PDE4D: variants seen among roughly 807,000 people sequenced by gnomAD.
PDE4D encodes the protein phosphodiesterase 4D, also known as 3',5'-cyclic-AMP phosphodiesterase 4D.
PDE4D carries 24 observed loss-of-function variants against 87.4 expected under a neutral mutation model. That is an observed-to-expected ratio of 0.27 (90% CI 0.20 to 0.39). The LOEUF is 0.39. PDE4D is among the 10% of genes least tolerant of loss of function. The pLI is 1.00. For synonymous variants in PDE4D, 384 were observed against 383.2 expected, an observed-to-expected ratio of 1.00 and a Z score of -0.02; for missense variants, 714 against 1,041.0, an observed-to-expected ratio of 0.69 and a Z score of 4.32.
rs201383555 is a variant in PDE4D, at chr5:59,234,767, TG to T, written c.456-18800del. Among the ~76,000 whole-genome samples the T allele has an allele frequency of 2.0e-5, 3 of 152,164 alleles. No homozygotes were observed. In the East Asian group the frequency reaches 5.8e-4, roughly 29 times the overall value. On this transcript the variant is annotated intron_variant, in intron 1 of 14. Transcript: ENST00000340635. ...AGGATAGATGTCAGTTTTTTAAACT[TG>T]GGGGAAAAAAGAACCCAAACATGAT...
Position 59,668,904 on chromosome 5 carries a change from AAGAAGAAGAAGAAG to A in PDE4D, c.455+224250_455+224263del, listed in dbSNP as rs1290379626. Reference sequence around the variant, plus strand: ...GAAGAAGAAGAAGAAGAAGAAGAAGAAGAAGAAGAAGAAGAAGAAAGAAAGAAAGAATTAGTTCA... The same window carrying A: ...GAAGAAGAAGAAGAAGAAGAAGAAGAAAGAAAGAAAGAAAGAATTAGTTCA... On this transcript the variant is annotated intron_variant, in intron 1 of 14. Coordinates refer to ENST00000340635, the MANE Select transcript of PDE4D (RefSeq NM_001104631.2). Among the ~76,000 whole-genome samples the A allele has an allele frequency of 1.1e-3, 80 of 74,950 alleles. 1 individual carries two copies. The East Asian group carries it at 0.06, about 56-fold the overall frequency. 49.2% of individuals were successfully genotyped at this position (74,950 alleles called of 152,430 possible).
At chr5:59,090,310 T>C (rs1308983909) in intron 5 of PDE4D, among the ~76,000 whole-genome samples, 4 of 152,308 alleles carry the variant, frequency 2.6e-5, no homozygotes, top group African/African-American at 9.6e-5. Context: ...TTTTACACCA[T>C]GTCTAGTCCA....
intron 1 of PDE4D, among the ~76,000 whole-genome samples, chr5:59,550,208 T>C (rs1817882609): frequency 6.6e-6 from 1 of 152,120 alleles, no homozygotes; most frequent in South Asian, 2.1e-4. Flanking sequence ...AAATTATCCT[T>C]ATGCATCAGT....
At chr5:59,908,107 T>C (rs554722832) in intron 3 of PDE4D, among the ~76,000 whole-genome samples, 4 of 152,258 alleles carry the variant, frequency 2.6e-5, no homozygotes, top group South Asian at 2.1e-4. Flanking sequence ...TTTGCCTATT[T>C]TCTTCTGTTG....
chr5:59,088,946 GAAATAAAA>G (rs1301364520), intron 5 of PDE4D, among the ~76,000 whole-genome samples: 1 of 152,054 alleles, frequency 6.6e-6, no homozygotes, highest in African/African-American at 2.4e-5. Flanking sequence ...AAGTTAAAAA[GAAATAAAA>G]AATAAACAGA....
At chr5:60,314,462 C>T (rs112728299) in intron 1 of PDE4D, among the ~76,000 whole-genome samples, 5,063 of 151,994 alleles carry the variant, frequency 0.033, 125 homozygotes, top group Middle Eastern at 0.082. Flanking sequence ...CCACTGCACC[C>T]GGCGGACAGT....
chr5:59,752,151 TG>T (rs1760577075), intron 1 of PDE4D, among the ~76,000 whole-genome samples: 1 of 152,162 alleles, frequency 6.6e-6, no homozygotes, highest in African/African-American at 2.4e-5. Flanking sequence ...ACAAAGACAA[TG>T]CCCCAATAAC....
At chr5:59,476,984 G>C (rs1404332908) in intron 1 of PDE4D, among the ~76,000 whole-genome samples, 1 of 151,784 alleles carries the variant, frequency 6.6e-6, no homozygotes, top group Non-Finnish European at 1.5e-5. Flanking sequence ...AGAGATAATA[G>C]TAACACATGA....
At chr5:59,902,988 C>G (rs534776837) in intron 3 of PDE4D, among the ~76,000 whole-genome samples, 5 of 152,184 alleles carry the variant, frequency 3.3e-5, no homozygotes, top group African/African-American at 9.6e-5. Context: ...AAAGTTAATA[C>G]CAAATTAAGA....
At chr5:59,819,291 T>C (rs528920963) in intron 1 of PDE4D, among the ~76,000 whole-genome samples, 47 of 152,354 alleles carry the variant, frequency 3.1e-4, no homozygotes, top group Non-Finnish European at 5.7e-4. Context: ...TCTCAACGCC[T>C]GGTAAAACTG....
At chr5:60,291,543 T>C (rs1655723765) in intron 1 of PDE4D, among the ~76,000 whole-genome samples, 1 of 151,948 alleles carries the variant, frequency 6.6e-6, no homozygotes, top group African/African-American at 2.4e-5. Flanking sequence ...ATAACGTTTT[T>C]AGAGAAGAGA....
chr5:59,604,758 A>G (rs1242220066), intron 1 of PDE4D, among the ~76,000 whole-genome samples: 1 of 152,036 alleles, frequency 6.6e-6, no homozygotes, highest in African/African-American at 2.4e-5. Context: ...TAAAAGACTA[A>G]AAATATGCAG....
chr5:59,096,146 T>G (rs1208623820), intron 5 of PDE4D, among the ~76,000 whole-genome samples: 1 of 152,040 alleles, frequency 6.6e-6, no homozygotes. Flanking sequence ...CTGGGGAAGA[T>G]GAGGATGAGG....
chr5:60,398,025 A>T (rs1195503667), intron 1 of PDE4D, among the ~76,000 whole-genome samples: 6 of 152,222 alleles, frequency 3.9e-5, no homozygotes, highest in Admixed American at 1.3e-4. Context: ...ATTACCCCAG[A>T]AGATATAATT....
chr5:59,252,006 C>T (rs146932059), intron 1 of PDE4D, among the ~76,000 whole-genome samples: 1 of 152,148 alleles, frequency 6.6e-6, no homozygotes, highest in African/African-American at 2.4e-5. Flanking sequence ...AAACAACAGA[C>T]ATTGGGGTCT....
Position 60,053,826 on chromosome 5 carries a change from C to A in PDE4D, c.43-65109G>T, listed in dbSNP as rs188644770. On this transcript the variant is annotated intron_variant, in intron 2 of 16. Coordinates refer to the PDE4D transcript ENST00000502484. ...ACATCTAGAATCTACAAGGAACTTA[C>A]ACAAATTTATAAGAAAAAAACAAAG... 5.1e-3 allele frequency among the ~76,000 whole-genome samples: 778 copies of A among 152,054 alleles called. 2 individuals carry two copies. Among genetic ancestry groups the A allele is most frequent in the Non-Finnish European group, 8.2e-3 (560 of 67,938 alleles).
chr5:59,429,375 A>T (rs1795772908), intron 1 of PDE4D, among the ~76,000 whole-genome samples: 1 of 152,216 alleles, frequency 6.6e-6, no homozygotes, highest in Non-Finnish European at 1.5e-5. Context: ...ATATTGTCTC[A>T]CAAAAATCAG....
chr5:60,156,065 T>A (rs905712748), intron 2 of PDE4D, among the ~76,000 whole-genome samples: 3 of 152,120 alleles, frequency 2.0e-5, no homozygotes, highest in African/African-American at 7.2e-5. Context: ...AATCCAAGAA[T>A]CAAGGGTACA....
chr5:59,162,035 AG>A (rs1464757632), intron 5 of PDE4D, among the ~76,000 whole-genome samples: 1 of 152,218 alleles, frequency 6.6e-6, no homozygotes, highest in Non-Finnish European at 1.5e-5. Flanking sequence ...TTCTGCACAA[AG>A]GCATTTTAAA....
Sources: allele counts gnomAD v4.1 joint callset (sites outside exome capture counted in the v4.1 genomes callset), GRCh38; gene constraint gnomAD v4.1.1; transcripts MANE v1.5; gene names NCBI Gene and HGNC (gene_info 2026-07-23, HGNC 2026-07-21).